HS1BP3: variants seen among roughly 807,000 people sequenced by gnomAD.
HS1BP3 encodes the protein HCLS1-binding protein 3.
HS1BP3 carries 32 observed loss-of-function variants against 33.5 expected under a neutral mutation model. That is an observed-to-expected ratio of 0.95 (90% CI 0.72 to 1.28). The LOEUF (loss-of-function observed/expected upper bound fraction) is 1.28, where lower values mean the gene tolerates loss of function less well. Ranked by LOEUF, HS1BP3 falls within the 50% of genes most tolerant of loss-of-function variation. HS1BP3 has a pLI of 0.00. For synonymous variants in HS1BP3, 187 were observed against 209.2 expected (o/e 0.89, Z 0.92); for missense variants, 486 against 502.3 (o/e 0.97, Z 0.31).
chr2:20,601,761 G>A (rs1428408412), intron 2 of HS1BP3, among the ~76,000 whole-genome samples: 8 of 136,496 alleles, frequency 5.9e-5, no homozygotes, highest in Non-Finnish European at 9.3e-5. Flanking sequence ...CAGTTTTCAA[G>A]TGTGTCTTCT....
chr2:20,623,889 G>T lies in HS1BP3; in HGVS notation c.920+7C>A, dbSNP rs1245440137. On this transcript the variant is annotated splice_region_variant and intron_variant, in intron 6 of 6. Transcript: ENST00000304031. ...GCTGGCCAAGCGCCGCTGGGGACAGGTGGTACCTGAACAGTTCCTTGGAGG... is the reference window on the plus strand; with the variant it reads ...GCTGGCCAAGCGCCGCTGGGGACAGTTGGTACCTGAACAGTTCCTTGGAGG... The T allele has an allele frequency of 6.2e-7, 1 of 1,610,848 alleles. No individual in the cohort carries two copies.
At chr2:20,580,530 AAAAAAAG>A (rs1377895048) in intron 5 of HS1BP3, among the ~76,000 whole-genome samples, 1 of 152,152 alleles carries the variant, frequency 6.6e-6, no homozygotes, top group Non-Finnish European at 1.5e-5. Flanking sequence ...AAAAAAAGAA[AAAAAAAG>A]AAAAGAAACT....
downstream of HS1BP3, among the ~76,000 whole-genome samples, chr2:20,559,358 G>GGGTA (rs1291413828): frequency 6.6e-6 from 1 of 152,228 alleles, no homozygotes; most frequent in African/African-American, 2.4e-5. Context: ...AGCACCTCAA[G>GGGTA]GGTAGGATTG....
intron 6 of HS1BP3, among the ~76,000 whole-genome samples, chr2:20,621,194 A>G (rs1455654680): frequency 2.6e-5 from 4 of 152,238 alleles, no homozygotes; most frequent in Non-Finnish European, 5.9e-5. Flanking sequence ...AACTCCTGGC[A>G]CTACCAGAGA....
chr2:20,615,752 G>A (rs1156923548), downstream of HS1BP3, among the ~76,000 whole-genome samples: 1 of 152,252 alleles, frequency 6.6e-6, no homozygotes, highest in South Asian at 2.1e-4. Flanking sequence ...CAACGCCCAG[G>A]TGGCCGCTGG....
chr2:20,615,106 G>C (rs535500689), downstream of HS1BP3, among the ~76,000 whole-genome samples: 1 of 152,356 alleles, frequency 6.6e-6, no homozygotes, highest in South Asian at 2.1e-4. Context: ...GTACCGGGCA[G>C]GGAAGTCCCT....
chr2:20,611,031 T>C lies in HS1BP3; in HGVS notation c.179-12766A>G, dbSNP rs949855886. Among the ~76,000 whole-genome samples, 2 of 152,184 alleles carry C rather than the reference T, an allele frequency of 1.3e-5. No individual in the cohort carries two copies. The highest frequency in any genetic ancestry group is 4.8e-5 in the African/African-American group (2 of 41,454). ...CACTACAATTTTGCCTTTTCTAGGG[T>C]TTCATATATGTGGGATCATACAAGA... On this transcript the variant is annotated intron_variant, in intron 2 of 3. Coordinates refer to the HS1BP3 transcript ENST00000415264. This position sits in a 1 kb window ranked among gnomAD's most constrained non-coding sequence, Gnocchi z 4.9.
In HS1BP3 at chr2:20,651,029, C is replaced by T. The variant is rs1405143701; in HGVS notation, c.32+3G>A. 10 of 1,240,408 alleles carry T rather than the reference C, an allele frequency of 8.1e-6. No individual in the cohort carries two copies. Among genetic ancestry groups the T allele is most frequent in the African/African-American group, 1.5e-5 (1 of 65,008 alleles). The allele number at this position is 1,240,408 out of a possible 1,614,324, so 76.8% of individuals were successfully genotyped here. ...CGGTGTGGGGCGCGGGGGTCTGGCTCACCTGGAGGTGACGAGCACCGCCGG... is the reference window on the plus strand; with the variant it reads ...CGGTGTGGGGCGCGGGGGTCTGGCTTACCTGGAGGTGACGAGCACCGCCGG... On this transcript the variant is annotated splice_donor_region_variant and intron_variant, in intron 1 of 6. Transcript: ENST00000304031.
At chr2:20,650,009 G>T (rs940100661) in intron 1 of HS1BP3, among the ~76,000 whole-genome samples, 1 of 152,192 alleles carries the variant, frequency 6.6e-6, no homozygotes, top group Non-Finnish European at 1.5e-5. Flanking sequence ...GGAAACTGAG[G>T]CTTGGTGAGA....
intron 5 of HS1BP3, among the ~76,000 whole-genome samples, chr2:20,584,574 G>C (rs971496885): frequency 6.6e-6 from 1 of 152,222 alleles, no homozygotes; most frequent in Admixed American, 6.5e-5. Context: ...GGTGGTTTCT[G>C]CTGGAGCCAG....
rs367812687 is a variant in HS1BP3, at chr2:20,618,949, C to G, written c.*38G>C. ...CCTTCCCTTCACACCGATGTCCCCA[C>G]AGACAGGCCTGCTGGGCCAGGGGCC... On this transcript the variant is annotated 3_prime_UTR_variant, in exon 7 of 7. Transcript: ENST00000304031. The G allele has an allele frequency of 1.3e-6, 2 of 1,593,032 alleles. No homozygotes were observed. Among genetic ancestry groups the G allele is most frequent in the African/African-American group, 1.3e-5 (1 of 74,578 alleles).
At chr2:20,624,117 G>A in intron 5 of HS1BP3, 86 bp from the exon 6 acceptor site, 2 of 1,477,270 alleles carry the variant, frequency 1.4e-6, no homozygotes, top group Non-Finnish European at 1.8e-6. Context: ...ACCCCAGGAA[G>A]TCTTCTGGGC....
the HS1BP3 span, among the ~76,000 whole-genome samples, chr2:20,555,082 TTC>T: frequency 6.6e-6 from 1 of 152,342 alleles, no homozygotes; most frequent in Middle Eastern, 3.4e-3. Flanking sequence ...GCGCTAACTG[TTC>T]TCTGTGCTTC....
intron 5 of HS1BP3, among the ~76,000 whole-genome samples, chr2:20,574,122 T>C (rs1406396654): frequency 6.6e-6 from 1 of 152,224 alleles, no homozygotes; most frequent in Non-Finnish European, 1.5e-5. Flanking sequence ...GTGCTTCTGT[T>C]GATGCTGCGG....
chr2:20,640,629 T>C (rs1387140352), intron 3 of HS1BP3: 1 of 497,372 alleles, frequency 2.0e-6, no homozygotes. Flanking sequence ...GAGGGGAGTG[T>C]GGGGTGTGTG....
At chr2:20,560,152 A>G (rs556523587), downstream of HS1BP3, among the ~76,000 whole-genome samples, 19 of 152,310 alleles carry the variant, frequency 1.2e-4, 1 homozygote, top group South Asian at 3.9e-3. Context: ...GCTGGCTCTC[A>G]TGGCTAGCTT....
downstream of HS1BP3, among the ~76,000 whole-genome samples, chr2:20,558,857 G>A (rs1692904874): frequency 2.6e-5 from 4 of 152,206 alleles, no homozygotes; most frequent in Admixed American, 2.0e-4. Flanking sequence ...GCCTGGCTGG[G>A]TGGGCGCTGC....
chr2:20,575,774 C>G lies in HS1BP3; in HGVS notation c.303-15259G>C, dbSNP rs868608649. On this transcript the variant is annotated intron_variant, in intron 5 of 5. Transcript: ENST00000446825. ...TCCTTGGTTCCACCCCCCCCCCCCC[C>G]TTCAGGCTACCCCAGCAAGGGAGGA... 2.9e-3 allele frequency among the ~76,000 whole-genome samples: 380 copies of G among 130,820 alleles called. 1 individual carries two copies. Among genetic ancestry groups the G allele is most frequent in the African/African-American group, 9.5e-3 (316 of 33,434 alleles). The allele number at this position is 130,820 out of a possible 152,430, so 85.8% of individuals were successfully genotyped here. A position where few individuals can be genotyped will look rare whatever the true frequency, so the allele number is the denominator to read the frequency against.
chr2:20,615,238 G>A (rs1213805874), downstream of HS1BP3, among the ~76,000 whole-genome samples: 1 of 152,230 alleles, frequency 6.6e-6, no homozygotes, highest in African/African-American at 2.4e-5. Context: ...GCACTGTGGG[G>A]TGAGGGGATA....
Sources: gnomAD v4.1 joint callset for allele counts (sites outside exome capture counted in the v4.1 genomes callset) on GRCh38, gnomAD v4.1.1 for gene constraint, Gnocchi (gnomAD v3.1) non-coding constraint, MANE v1.5 for transcripts, NCBI Gene and HGNC (gene_info 2026-07-23, HGNC 2026-07-21) for gene names.